TP53BP2: variants seen among roughly 807,000 people sequenced by gnomAD.
TP53BP2 encodes apoptosis-stimulating of p53 protein 2.
In TP53BP2, 62 loss-of-function variants were observed where a neutral mutation model predicts 126.2. That is an observed-to-expected ratio of 0.49 (90% CI 0.40 to 0.61). The LOEUF (loss-of-function observed/expected upper bound fraction) is 0.61. TP53BP2 is among the 20% of genes least tolerant of loss of function. TP53BP2 has a pLI of 0.00. For synonymous variants in TP53BP2, 485 were observed against 502.9 expected (o/e 0.96, Z 0.48); for missense variants, 1,215 against 1,402.8 (o/e 0.87, Z 2.14).
At position 223,795,994 on chromosome 1, in the gene TP53BP2, T is replaced by C. The variant is rs151038481; in HGVS notation, c.2545A>G (p.Asn849Asp). The stretch of plus-strand genomic sequence containing the variant: ...GGTTCTTCTGGGTTATTCTGGAGAT[T>C]TGGGCTGTTGTCTGGGACTCCCTCA... The part of the protein sequence containing the change: ...EPEGVPDNSP[N>D]LQNNPEEPNP... Residue 849 changes from asparagine (N) to aspartate (D), a missense_variant, in exon 13 of 18, where the codon AAT becomes GAT. Physicochemically the swap from Asn to Asp is conservative, Grantham distance 23. This residue lies in a region of TP53BP2 where 204 missense variants were observed against 225.7 expected (regional missense o/e 0.90). Transcript: ENST00000343537. The C allele has an allele frequency of 5.6e-6, 9 of 1,614,024 alleles. No individual in the cohort carries two copies. The highest frequency in any genetic ancestry group is 1.3e-5 in the African/African-American group (1 of 75,020).
intron 1 of TP53BP2, among the ~76,000 whole-genome samples, chr1:223,822,509 T>C (rs1230014258): frequency 6.6e-6 from 1 of 151,786 alleles, no homozygotes; most frequent in Non-Finnish European, 1.5e-5. Context: ...CTACCAAAAA[T>C]TAAAAGAAAA....
intron 1 of TP53BP2, among the ~76,000 whole-genome samples, chr1:223,842,706 A>C (rs550843572): frequency 1.4e-4 from 22 of 152,378 alleles, no homozygotes; most frequent in Admixed American, 1.4e-3. Context: ...TGAGCATAAC[A>C]CTTCACAAAA....
intron 1 of TP53BP2, among the ~76,000 whole-genome samples, chr1:223,840,021 C>CAAATAA (rs1664055713): frequency 6.6e-6 from 1 of 152,108 alleles, no homozygotes; most frequent in South Asian, 2.1e-4. Flanking sequence ...GATTATCATC[C>CAAATAA]AAATAAATAA....
At chr1:223,799,359 T>C (rs551346200) in intron 11 of TP53BP2, among the ~76,000 whole-genome samples, 16 of 152,330 alleles carry the variant, frequency 1.1e-4, no homozygotes, top group African/African-American at 3.4e-4. Flanking sequence ...ACTTCCTCCT[T>C]GTTTCCACTT....
intron 13 of TP53BP2, among the ~76,000 whole-genome samples, chr1:223,795,091 A>G (rs1402087123): frequency 6.6e-6 from 1 of 152,230 alleles, no homozygotes; most frequent in Non-Finnish European, 1.5e-5. Flanking sequence ...TCTCTCACCT[A>G]TGTCAAAGTG....
At chr1:223,786,560 A>ATGTGTGTG (rs752458486) in intron 16 of TP53BP2, among the ~76,000 whole-genome samples, 4 of 145,540 alleles carry the variant, frequency 2.7e-5, no homozygotes, top group South Asian at 2.2e-4. Flanking sequence ...CATTATATAT[A>ATGTGTGTG]TGTGTGTGTG....
rs572076017 is a variant in TP53BP2, at chr1:223,800,135, T to G, written c.1337-88A>C. Reference sequence around the variant, plus strand: ...TAAGTTTCTCTCCCCTAAATCTCCCTGAAAATCTGTGTCCACAAAGCACGT... The same window carrying G: ...TAAGTTTCTCTCCCCTAAATCTCCCGGAAAATCTGTGTCCACAAAGCACGT... On this transcript the variant is annotated intron_variant, in intron 10 of 17. Coordinates refer to ENST00000343537, the MANE Select transcript of TP53BP2 (RefSeq NM_001031685.3). 8.2e-6 allele frequency: 11 copies of G among 1,344,382 alleles called. No individual in the cohort carries two copies. In the South Asian group the frequency reaches 1.9e-4, roughly 23 times the overall value. The allele number at this position is 1,344,382 out of a possible 1,614,324, so 83.3% of individuals were successfully genotyped here. A position where few individuals can be genotyped will look rare whatever the true frequency, so the allele number is the denominator to read the frequency against.
chr1:223,784,435 C>T, intron 16 of TP53BP2, 121 bp from the exon 17 acceptor site: 2 of 832,038 alleles, frequency 2.4e-6, no homozygotes, highest in Non-Finnish European at 3.8e-6. Context: ...GTTAGTACTA[C>T]ATTAAATATA....
At chr1:223,842,757 C>G (rs994654495) in intron 1 of TP53BP2, among the ~76,000 whole-genome samples, 1 of 152,154 alleles carries the variant, frequency 6.6e-6, no homozygotes, top group Non-Finnish European at 1.5e-5. Context: ...AATTTTCAAA[C>G]GACTAAGAAT....
rs1662500551 is a variant in TP53BP2 at position 223,800,710 on chromosome 1, A to T, written c.1326T>A (p.Ala442=). Residue 442 remains alanine (A), a synonymous_variant, in exon 10 of 18, where the codon GCT becomes GCA. Coordinates refer to ENST00000343537, the MANE Select transcript of TP53BP2 (RefSeq NM_001031685.3). ...SASVPQSTGN[A]LDQVDDGEVP... is the part of the protein sequence containing the mutation. ...ACAAATAAATCTCACCTTGATCCAG[A>T]GCATTCCCAGTGCTTTGAGGTACAG... 1 of 1,598,656 alleles carries T rather than the reference A, an allele frequency of 6.3e-7. No individual in the cohort carries two copies. Among genetic ancestry groups the T allele is most frequent in the African/African-American group, 1.4e-5 (1 of 73,666 alleles).
At chr1:223,829,821 T>C (rs1663634919) in intron 1 of TP53BP2, among the ~76,000 whole-genome samples, 1 of 151,998 alleles carries the variant, frequency 6.6e-6, no homozygotes, top group Admixed American at 6.6e-5. Flanking sequence ...TCGTGACATC[T>C]TGCTTACTTG....
intron 2 of TP53BP2, among the ~76,000 whole-genome samples, chr1:223,819,744 A>G (rs1319101286): frequency 6.6e-6 from 1 of 152,184 alleles, no homozygotes; most frequent in Non-Finnish European, 1.5e-5. Context: ...TTATCTCAGT[A>G]AAGAATAAAG....
At chr1:223,811,882 T>C (rs1662918318) in intron 3 of TP53BP2, among the ~76,000 whole-genome samples, 1 of 152,192 alleles carries the variant, frequency 6.6e-6, no homozygotes, top group Non-Finnish European at 1.5e-5. Flanking sequence ...ATTATATTTC[T>C]CACATTACTG....
At chr1:223,836,796 A>C (rs1663937878) in intron 1 of TP53BP2, among the ~76,000 whole-genome samples, 1 of 152,118 alleles carries the variant, frequency 6.6e-6, no homozygotes, top group Admixed American at 6.5e-5. Flanking sequence ...TGCCCTGGTG[A>C]CTCAACAGCT....
chr1:223,831,481 ATATATATATATATATATATATAT>A lies in TP53BP2; in HGVS notation c.28-10137_28-10115del, dbSNP rs1329032814. Among the ~76,000 whole-genome samples the A allele has an allele frequency of 4.7e-3, 166 of 35,480 alleles. 2 individuals are homozygous for A. In the East Asian group the frequency reaches 0.1, roughly 22 times the overall value. 23.3% of individuals were successfully genotyped at this position (35,480 alleles called of 152,430 possible). The stretch of plus-strand genomic sequence containing the variant: ...ATGTACCATCTAAAAAAAAAAAAAA[ATATATATATATATATATATATAT>A]ATATATATATATACTGACCTGTATG... On this transcript the variant is annotated intron_variant, in intron 1 of 17. Transcript: ENST00000343537.
chr1:223,803,554 G>A lies in TP53BP2; in HGVS notation c.650-102C>T, dbSNP rs1160329118. The A allele has an allele frequency of 6.8e-6, 8 of 1,178,606 alleles. No homozygotes were observed. In the East Asian group the frequency reaches 1.9e-4, roughly 28 times the overall value. 73.0% of individuals were successfully genotyped at this position (1,178,606 alleles called of 1,614,324 possible). A position where few individuals can be genotyped will look rare whatever the true frequency, so the allele number is the denominator to read the frequency against. Reference sequence around the variant, plus strand: ...ACAATGAACTTTCTAATAAACAGTAGAAAAATTTTTCAGAATGTCCTGGAA... The same window carrying A: ...ACAATGAACTTTCTAATAAACAGTAAAAAAATTTTTCAGAATGTCCTGGAA... On this transcript the variant is annotated intron_variant, in intron 6 of 17. Coordinates refer to ENST00000343537, the MANE Select transcript of TP53BP2 (RefSeq NM_001031685.3).
chr1:223,827,134 A>C (rs1663526036), intron 1 of TP53BP2, among the ~76,000 whole-genome samples: 1 of 152,178 alleles, frequency 6.6e-6, no homozygotes, highest in South Asian at 2.1e-4. Context: ...TGCAAGTTTG[A>C]CTGAGATGAG....
At chr1:223,834,059 T>C (rs1309517345) in intron 1 of TP53BP2, among the ~76,000 whole-genome samples, 2 of 152,068 alleles carry the variant, frequency 1.3e-5, no homozygotes, top group Admixed American at 1.3e-4. Context: ...GAGGTGGTAA[T>C]GAACTTGGAC....
intron 1 of TP53BP2, among the ~76,000 whole-genome samples, chr1:223,825,054 C>CACACACACACACACACACACACACA (rs1553262580): frequency 2.0e-5 from 3 of 151,102 alleles, no homozygotes; most frequent in African/African-American, 7.3e-5. Context: ...CACACACACA[C>CACACACACACACACACACACACACA]CCTAGCCCAT....
Sources: allele counts gnomAD v4.1 joint callset (sites outside exome capture counted in the v4.1 genomes callset), GRCh38; gene constraint gnomAD v4.1.1; regional missense constraint gnomAD v4.1.1; transcripts MANE v1.5; gene names NCBI Gene and HGNC (gene_info 2026-07-23, HGNC 2026-07-21).